DENND5B: variants seen among roughly 807,000 people sequenced by gnomAD.
DENND5B encodes DENN domain containing 5B.
DENND5B carries 34 observed loss-of-function variants against 140.6 expected under a neutral mutation model. The ratio of observed to expected loss-of-function variants is 0.24; its 90% CI spans 0.18 to 0.32. The LOEUF is 0.32. DENND5B is among the 10% of genes least tolerant of loss of function. The pLI is 1.00. For synonymous variants in DENND5B, 551 were observed against 562.1 expected (o/e 0.98, Z 0.28); for missense variants, 1,142 against 1,560.2 (o/e 0.73, Z 4.52).
chr12:31,392,138 CAA>C (rs879273266), intron 19 of DENND5B, 127 bp downstream of exon 19: 2,360 of 705,542 alleles, frequency 3.3e-3, no homozygotes, highest in South Asian at 5.4e-3. Context: ...GATTCCGTCT[CAA>C]AAAAAAAAAA....
intron 1 of DENND5B, among the ~76,000 whole-genome samples, chr12:31,570,725 T>C (rs745666688): frequency 2.0e-5 from 3 of 151,928 alleles, no homozygotes; most frequent in Non-Finnish European, 2.9e-5. Context: ...TTAAAGAAAA[T>C]GAGAAATGCA....
intron 3 of DENND5B, among the ~76,000 whole-genome samples, chr12:31,473,983 CTGTT>C (rs1277285935): frequency 3.3e-5 from 5 of 152,164 alleles, no homozygotes; most frequent in Admixed American, 3.3e-4. Context: ...CAGCAAAGTA[CTGTT>C]TGGTTTATGG....
At chr12:31,570,536 C>T (rs1375949908) in intron 1 of DENND5B, among the ~76,000 whole-genome samples, 1 of 149,988 alleles carries the variant, frequency 6.7e-6, no homozygotes, top group Admixed American at 6.6e-5. Context: ...CTCGGCCTCC[C>T]AAAGTGCTGG....
At chr12:31,407,583 T>C (rs1231611461) in intron 14 of DENND5B, among the ~76,000 whole-genome samples, 1 of 152,216 alleles carries the variant, frequency 6.6e-6, no homozygotes, top group Non-Finnish European at 1.5e-5. Flanking sequence ...AGCCAAAACC[T>C]ACACAATTCT....
intron 7 of DENND5B, among the ~76,000 whole-genome samples, chr12:31,436,330 AC>A (rs1943754262): frequency 6.6e-6 from 1 of 151,198 alleles, no homozygotes; most frequent in Non-Finnish European, 1.5e-5. Context: ...CGAACTCCTG[AC>A]CTCAAGTGAT....
chr12:31,578,139 A>C (rs1299424491), intron 1 of DENND5B, among the ~76,000 whole-genome samples: 1 of 151,418 alleles, frequency 6.6e-6, no homozygotes, highest in Non-Finnish European at 1.5e-5. Flanking sequence ...AAAAAAAAAA[A>C]AAAAAAAAAA....
chr12:31,503,367 C>T (rs1005020072), intron 1 of DENND5B, among the ~76,000 whole-genome samples: 5 of 152,098 alleles, frequency 3.3e-5, no homozygotes, highest in African/African-American at 1.2e-4. Flanking sequence ...TGAGACCAGC[C>T]TAGGCAACAT....
intron 8 of DENND5B, chr12:31,426,705 T>C: frequency 3.5e-6 from 1 of 284,744 alleles, no homozygotes; most frequent in Non-Finnish European, 6.7e-6. Context: ...AGTCTTTTTA[T>C]TGGGAATACA....
chr12:31,422,898 T>C (rs1460685150), intron 11 of DENND5B, among the ~76,000 whole-genome samples: 2 of 152,082 alleles, frequency 1.3e-5, no homozygotes, highest in Admixed American at 6.6e-5. Flanking sequence ...GAGACATATG[T>C]ACATATTTTC....
intron 1 of DENND5B, among the ~76,000 whole-genome samples, chr12:31,510,441 G>A (rs1040044169): frequency 1.3e-5 from 2 of 152,060 alleles, no homozygotes; most frequent in African/African-American, 2.4e-5. Context: ...TCAGCCTCCC[G>A]GGTAGCTAGG....
chr12:31,494,112 C>T (rs1256500074), intron 2 of DENND5B, among the ~76,000 whole-genome samples: 1 of 151,928 alleles, frequency 6.6e-6, no homozygotes, highest in Non-Finnish European at 1.5e-5. Context: ...TTCTAAGACC[C>T]TCTCAAGGTT....
chr12:31,484,689 T>C, intron 2 of DENND5B, among the ~76,000 whole-genome samples: 1 of 151,992 alleles, frequency 6.6e-6, no homozygotes, highest in Non-Finnish European at 1.5e-5. Flanking sequence ...TAGACCCAGC[T>C]ACTCAGGAGG....
At chr12:31,492,348 A>G (rs549728459) in intron 2 of DENND5B, among the ~76,000 whole-genome samples, 1 of 152,330 alleles carries the variant, frequency 6.6e-6, no homozygotes, top group Non-Finnish European at 1.5e-5. Context: ...CAAATGATTA[A>G]AAGAAAGAAA....
At chr12:31,432,287 GA>G (rs374753134) in intron 8 of DENND5B, 126 of 174,948 alleles carry the variant, frequency 7.2e-4, no homozygotes, top group Non-Finnish European at 1.1e-3. Flanking sequence ...ACAGTAGCCG[GA>G]AAAAAAAAAG....
chr12:31,433,799 A>T (rs1272328894), intron 7 of DENND5B, among the ~76,000 whole-genome samples: 1 of 151,914 alleles, frequency 6.6e-6, no homozygotes, highest in Non-Finnish European at 1.5e-5. Flanking sequence ...TGGCCGGATC[A>T]CTTGAGGCCA....
rs1378865242 is a variant in DENND5B, at chr12:31,435,662, AGTTT to A, written c.2013-2418_2013-2415del. On this transcript the variant is annotated intron_variant, in intron 7 of 20. Coordinates refer to ENST00000389082, the MANE Select transcript of DENND5B (RefSeq NM_144973.4). ...GAAAACGCTTTTTAAATTTTGTTTT[AGTTT>A]GTTTGTTTGTTTGAGACGGAGTCTT... Among the ~76,000 whole-genome samples, 12 of 28,956 alleles carry A rather than the reference AGTTT, an allele frequency of 4.1e-4. No homozygotes were observed. In the South Asian group the frequency reaches 5.9e-3, roughly 14 times the overall value. 19.0% of individuals were successfully genotyped at this position (28,956 alleles called of 152,430 possible).
At chr12:31,543,716 G>C (rs1294618263) in intron 1 of DENND5B, among the ~76,000 whole-genome samples, 3 of 152,008 alleles carry the variant, frequency 2.0e-5, no homozygotes, top group African/African-American at 7.3e-5. Flanking sequence ...AAACAGAAAG[G>C]GAATGTTTAT....
chr12:31,579,467 C>T (rs536168397), intron 1 of DENND5B, among the ~76,000 whole-genome samples: 2 of 152,098 alleles, frequency 1.3e-5, no homozygotes, highest in Admixed American at 1.3e-4. Context: ...TTGAAGCCAG[C>T]CTGGCCAACA....
chr12:31,428,924 G>A (rs1431975509), intron 8 of DENND5B, among the ~76,000 whole-genome samples: 1 of 152,102 alleles, frequency 6.6e-6, no homozygotes, highest in Non-Finnish European at 1.5e-5. Flanking sequence ...GTAGAGACAG[G>A]GTTTCACTGT....
Sources: gnomAD v4.1 joint callset for allele counts (sites outside exome capture counted in the v4.1 genomes callset) on GRCh38, gnomAD v4.1.1 for gene constraint, MANE v1.5 for transcripts, NCBI Gene and HGNC (gene_info 2026-07-23, HGNC 2026-07-21) for gene names.